CPLANE1: variants seen among roughly 807,000 people sequenced by gnomAD.
The protein encoded by CPLANE1 is ciliogenesis and planar polarity effector complex subunit 1.
CPLANE1 carries 263 observed loss-of-function variants against 362.5 expected under a neutral mutation model. The observed-to-expected ratio is 0.73, with a 90% CI of 0.66 to 0.80. The LOEUF is 0.80. CPLANE1 is among the 30% of genes least tolerant of loss of function. The pLI, the probability that CPLANE1 is intolerant of heterozygous loss-of-function variation, is 0.00. For missense variants in CPLANE1, 3,461 were observed against 3,793.4 expected (o/e 0.91, Z 2.30); for synonymous variants, 1,212 against 1,302.6 (o/e 0.93, Z 1.50).
chr5:37,202,940 T>A (rs181452736), intron 18 of CPLANE1, among the ~76,000 whole-genome samples: 2 of 150,026 alleles, frequency 1.3e-5, no homozygotes, highest in South Asian at 2.1e-4. Context: ...TTTATATATT[T>A]TATATATATA....
chr5:37,224,510 A>G (rs1421829918), intron 13 of CPLANE1, 22 bp downstream of exon 13: 2 of 1,486,926 alleles, frequency 1.3e-6, no homozygotes, highest in Admixed American at 4.0e-5. Flanking sequence ...ATGGAGTTAG[A>G]AAATATTCAT....
Position 37,169,001 on chromosome 5 carries a change from T to C in CPLANE1, c.7023A>G (p.Leu2341=), listed in dbSNP as rs1179933367. Reference sequence around the variant, plus strand: ...CAAGGGTCCCTGGCTTAACATCAAATAGTTTTTCTGGTTTTATAAACACTG... The same window carrying C: ...CAAGGGTCCCTGGCTTAACATCAAACAGTTTTTCTGGTTTTATAAACACTG... ...DSSVFIKPEK[L]FDVKPGTLEI... Residue 2341 remains leucine (L), a synonymous_variant, in exon 34 of 53, where the codon CTA becomes CTG. Transcript: ENST00000651892. The C allele has an allele frequency of 6.2e-7, 1 of 1,614,032 alleles. No homozygotes were observed. Among genetic ancestry groups the C allele is most frequent in the Non-Finnish European group, 8.5e-7 (1 of 1,180,018 alleles).
chr5:37,115,597 CT>C (rs202050168), intron 50 of CPLANE1, among the ~76,000 whole-genome samples: 264 of 124,622 alleles, frequency 2.1e-3, no homozygotes, highest in Middle Eastern at 4.3e-3. Flanking sequence ...ACTTTTATTT[CT>C]TTTTTTTTTT....
Position 37,168,791 on chromosome 5 carries a change from C to T in CPLANE1, c.7233G>A (p.Arg2411=). 6.2e-7 allele frequency: 1 copy of T among 1,609,004 alleles called. No homozygotes were observed. The highest frequency in any genetic ancestry group is 8.5e-7 in the Non-Finnish European group (1 of 1,177,158). ...GCATTACCATACAAAAATTCATTAC[C>T]CTATTTTCTGGGGACAAATGTGAAT... ...LLHSHLSPEN[R]CKKTQLIPLE... The change falls in exon 34 of 53, where the codon AGG becomes AGA. Residue 2411 remains arginine, a splice_region_variant and synonymous_variant. Transcript: ENST00000651892.
the CPLANE1 span, among the ~76,000 whole-genome samples, chr5:37,097,270 C>T: frequency 6.6e-6 from 1 of 152,056 alleles, no homozygotes; most frequent in East Asian, 1.9e-4. Context: ...ACATTCTTCT[C>T]ATCAGCATAT....
In CPLANE1 at chr5:37,182,907, T is replaced by C; in HGVS notation, c.5274A>G (p.Leu1758=). ...ACTCAGTTATACCAGAATCACAGAG[T>C]AGCCTTCTATTAGACCACCTTATCA... is the stretch of plus-strand genomic sequence containing the variant. ...EWMIRWSNRR[L]LCDSGITESS... Residue 1758 remains leucine, a synonymous_variant, in exon 26 of 53, where the codon CTA becomes CTG. Transcript: ENST00000651892. The C allele has an allele frequency of 1.2e-6, 2 of 1,607,004 alleles. No homozygotes were observed. Among genetic ancestry groups the C allele is most frequent in the East Asian group, 2.2e-5 (1 of 44,804 alleles).
intron 46 of CPLANE1, among the ~76,000 whole-genome samples, chr5:37,132,177 C>T (rs1337158770): frequency 6.6e-6 from 1 of 151,738 alleles, no homozygotes; most frequent in Non-Finnish European, 1.5e-5. Flanking sequence ...CGTTTTTGTA[C>T]AATATTTTCT....
At chr5:37,178,636 G>T (rs1481374831) in intron 29 of CPLANE1, among the ~76,000 whole-genome samples, 2 of 150,944 alleles carry the variant, frequency 1.3e-5, no homozygotes, top group Non-Finnish European at 2.9e-5. Context: ...CAAAAACACA[G>T]AATTGTTACA....
chr5:37,210,373 G>A (rs1285444904), intron 16 of CPLANE1: 8 of 1,084,446 alleles, frequency 7.4e-6, no homozygotes, highest in Non-Finnish European at 1.0e-5. Flanking sequence ...AATATAAAGA[G>A]TTTTGAGAAG....
At chr5:37,171,868 C>T (rs1015143198) in intron 32 of CPLANE1, among the ~76,000 whole-genome samples, 3 of 151,812 alleles carry the variant, frequency 2.0e-5, no homozygotes, top group Admixed American at 2.0e-4. Context: ...ACCACTGTAA[C>T]TTCAAATTCC....
At chr5:37,243,213 T>TA (rs1385642008) in intron 5 of CPLANE1, 94 bp from the exon 6 acceptor site, 22 of 698,812 alleles carry the variant, frequency 3.1e-5, no homozygotes, top group Non-Finnish European at 4.7e-5. Context: ...CATAAACCAG[T>TA]AAAAAATATT....
intron 37 of CPLANE1, chr5:37,162,779 A>G: frequency 1.1e-5 from 4 of 347,846 alleles, no homozygotes; most frequent in Non-Finnish European, 2.1e-5. Flanking sequence ...TCCCGGGTTC[A>G]AGTGATTCTC....
At chr5:37,139,739 G>A (rs1481534449) in intron 44 of CPLANE1, 6 of 477,580 alleles carry the variant, frequency 1.3e-5, no homozygotes, top group African/African-American at 1.1e-4. Flanking sequence ...TTGTAGACAC[G>A]GGGTCTTGCT....
At chr5:37,191,525 A>G (rs1271071460) in intron 21 of CPLANE1, among the ~76,000 whole-genome samples, 19 of 152,042 alleles carry the variant, frequency 1.2e-4, no homozygotes, top group African/African-American at 4.3e-4. Flanking sequence ...ACAAAAATTA[A>G]CCAGGTATGG....
At chr5:37,077,774 T>C in the CPLANE1 span, among the ~76,000 whole-genome samples, 1 of 151,714 alleles carries the variant, frequency 6.6e-6, no homozygotes, top group South Asian at 2.1e-4. Context: ...CCAACACACC[T>C]GGCTAATTTT....
chr5:37,228,916 T>C (rs1797040266), intron 9 of CPLANE1, among the ~76,000 whole-genome samples: 1 of 152,162 alleles, frequency 6.6e-6, no homozygotes, highest in Non-Finnish European at 1.5e-5. Flanking sequence ...GAAAAAATAC[T>C]TTCACTGCAG....
chr5:37,158,092 T>G, intron 39 of CPLANE1, 132 bp downstream of exon 39: 2 of 1,062,880 alleles, frequency 1.9e-6, no homozygotes, highest in Non-Finnish European at 2.7e-6. Context: ...AATTAATTTT[T>G]GAACCTTTAC....
At chr5:37,111,690 T>C (rs933234245) in intron 51 of CPLANE1, among the ~76,000 whole-genome samples, 1 of 152,224 alleles carries the variant, frequency 6.6e-6, no homozygotes, top group Non-Finnish European at 1.5e-5. Flanking sequence ...ATATCCAATG[T>C]GAGAGCTATG....
chr5:37,234,737 G>A (rs559563231), intron 8 of CPLANE1, among the ~76,000 whole-genome samples: 12 of 152,114 alleles, frequency 7.9e-5, no homozygotes, highest in Middle Eastern at 3.4e-3. Context: ...CTCCACCAGC[G>A]GCTATTATAT....
Sources: gnomAD v4.1 joint callset for allele counts (sites outside exome capture counted in the v4.1 genomes callset) on GRCh38, gnomAD v4.1.1 for gene constraint, MANE v1.5 for transcripts, NCBI Gene and HGNC (gene_info 2026-07-23, HGNC 2026-07-21) for gene names.